Variants in PRKG2 observed in about 807,000 individuals in gnomAD.
PRKG2 encodes the protein protein kinase cGMP-dependent 2.
Under a neutral mutation model 97.2 loss-of-function variants are expected in PRKG2, and 33 were observed. The observed-to-expected ratio is 0.34, with a 90% CI of 0.26 to 0.45. The LOEUF (loss-of-function observed/expected upper bound fraction) is 0.45, where lower values mean the gene tolerates loss of function less well. PRKG2 is among the 20% of genes least tolerant of loss of function. The pLI, the probability that PRKG2 is intolerant of heterozygous loss-of-function variation, is 1.00. For synonymous variants in PRKG2, 330 were observed against 321.8 expected, an observed-to-expected ratio of 1.03 and a Z score of -0.27; for missense variants, 638 against 900.0, an observed-to-expected ratio of 0.71 and a Z score of 3.73.
intron 14 of PRKG2, among the ~76,000 whole-genome samples, chr4:81,111,049 G>A (rs2289682): frequency 0.27 from 41,476 of 151,708 alleles, 8,316 homozygotes; most frequent in African/African-American, 0.54. Flanking sequence ...GTAAAGCTCC[G>A]TCATGAATGT....
chr4:81,196,890 A>C (rs2110120207), intron 2 of PRKG2, among the ~76,000 whole-genome samples: 1 of 152,304 alleles, frequency 6.6e-6, no homozygotes, highest in East Asian at 1.9e-4. Context: ...TTTAATGAAA[A>C]GAAACACTTT....
In PRKG2 at chr4:81,140,595, C is replaced by A. The variant is rs1747184464; in HGVS notation, c.1482G>T (p.Gln494His). 6.2e-7 allele frequency: 1 copy of A among 1,613,178 alleles called. No individual in the cohort carries two copies. Among genetic ancestry groups the A allele is most frequent in the Non-Finnish European group, 8.5e-7 (1 of 1,179,380 alleles). ...TCTTCTCTGAGTAGACATGCTCCTG[C>A]TGCTTGGTGTCAACTATGTGCTTCT... ...IRKKHIVDTK[Q>H]QEHVYSEKRI... The change falls in exon 12 of 19, where the codon CAG becomes CAT. Residue 494 changes from glutamine (Q) to histidine (H), a missense_variant. By Grantham distance (24) the Gln-to-His change is conservative. Around this residue, in one of 3 missense-constraint regions of PRKG2, gnomAD observed 304 missense variants for 460.5 expected, o/e 0.66. Transcript: ENST00000264399.
intron 3 of PRKG2, among the ~76,000 whole-genome samples, chr4:81,173,275 C>A (rs184172445): frequency 3.5e-4 from 53 of 152,116 alleles, no homozygotes; most frequent in African/African-American, 1.2e-3. Flanking sequence ...AATAAGAAAC[C>A]ATCCAATTTT....
At chr4:81,187,919 C>T (rs1357991621) in intron 2 of PRKG2, among the ~76,000 whole-genome samples, 1 of 152,168 alleles carries the variant, frequency 6.6e-6, no homozygotes, top group Non-Finnish European at 1.5e-5. Flanking sequence ...CATAAAAACC[C>T]TAGAAGAAAA....
chr4:81,149,234 T>A (rs1748152330), intron 8 of PRKG2, among the ~76,000 whole-genome samples: 1 of 152,114 alleles, frequency 6.6e-6, no homozygotes, highest in Non-Finnish European at 1.5e-5. Flanking sequence ...CATTCTGAGC[T>A]TTGTGAAAGT....
At chr4:81,217,322 T>A (rs559239983), upstream of PRKG2, among the ~76,000 whole-genome samples, 135 of 152,248 alleles carry the variant, frequency 8.9e-4, no homozygotes, top group African/African-American at 2.8e-3. Flanking sequence ...TCATATGTAC[T>A]TTCTTACCGT....
intron 2 of PRKG2, among the ~76,000 whole-genome samples, chr4:81,182,296 C>T (rs1003856746): frequency 1.3e-5 from 2 of 151,738 alleles, no homozygotes; most frequent in African/African-American, 4.8e-5. Flanking sequence ...AAAAATGTAG[C>T]AAATATAATG....
Position 81,135,295 on chromosome 4 carries a change from C to G in PRKG2, c.1636G>C (p.Gly546Arg). The change falls in exon 14 of 19, where the codon GGC becomes CGC. Residue 546 changes from glycine (G) to arginine (R), a missense_variant and splice_region_variant. Physicochemically the swap from Gly to Arg is moderately radical, Grantham distance 125 (BLOSUM62 -2). Coordinates refer to ENST00000264399, the MANE Select transcript of PRKG2 (RefSeq NM_006259.3). The part of the protein sequence containing the change: ...GELWSILRDR[G>R]SFDEPTSKFC... ...TTGGAGGTGGGTTCATCAAAGCTGC[C>G]TCTGCAACGAAATCATTTTCCCTCT... 1 of 1,611,728 alleles carries G rather than the reference C, an allele frequency of 6.2e-7. No homozygotes were observed. The highest frequency in any genetic ancestry group is 8.5e-7 in the Non-Finnish European group (1 of 1,178,910).
At chr4:81,153,596 T>C (rs370480024) in intron 7 of PRKG2, 48 bp downstream of exon 7, 2 of 1,442,736 alleles carry the variant, frequency 1.4e-6, no homozygotes, top group African/African-American at 1.4e-5. Flanking sequence ...TATGGCAAAC[T>C]GATTTAAAAT....
intron 2 of PRKG2, among the ~76,000 whole-genome samples, chr4:81,189,790 G>GACAA (rs1380662805): frequency 4.0e-5 from 6 of 149,944 alleles, no homozygotes; most frequent in African/African-American, 1.5e-4. Flanking sequence ...AAAAAAAACA[G>GACAA]ACAGAGAGCC....
At chr4:81,142,331 G>A (rs951912216) in intron 11 of PRKG2, among the ~76,000 whole-genome samples, 2 of 151,978 alleles carry the variant, frequency 1.3e-5, no homozygotes, top group Non-Finnish European at 1.5e-5. Context: ...AAATAATGAA[G>A]GTGAAATACA....
intron 14 of PRKG2, among the ~76,000 whole-genome samples, chr4:81,117,305 T>G (rs1744643490): frequency 6.6e-6 from 1 of 152,068 alleles, no homozygotes; most frequent in East Asian, 1.9e-4. Flanking sequence ...CATTTGGGAT[T>G]TCCATAGATT....
chr4:81,128,980 C>G (rs918102997), intron 14 of PRKG2, among the ~76,000 whole-genome samples: 4 of 152,160 alleles, frequency 2.6e-5, no homozygotes, highest in Non-Finnish European at 5.9e-5. Context: ...AAATTTCCCT[C>G]TTTAGCTGTG....
intron 3 of PRKG2, chr4:81,173,696 C>T (rs979648404): frequency 9.9e-5 from 15 of 151,882 alleles, no homozygotes; most frequent in African/African-American, 2.7e-4. Context: ...AAATAATCAA[C>T]GTATATAAAA....
intron 17 of PRKG2, among the ~76,000 whole-genome samples, chr4:81,096,478 G>A (rs1323564759): frequency 1.3e-5 from 2 of 152,136 alleles, no homozygotes; most frequent in African/African-American, 4.8e-5. Context: ...CAAGGCTGCA[G>A]TAAGCCCTAA....
chr4:81,145,358 T>C (rs1231473130), intron 9 of PRKG2, among the ~76,000 whole-genome samples: 1 of 152,206 alleles, frequency 6.6e-6, no homozygotes, highest in African/African-American at 2.4e-5. Flanking sequence ...CTTTTAACTT[T>C]GCTTAATAAA....
chr4:81,126,728 TC>T (rs1177745410), intron 14 of PRKG2, among the ~76,000 whole-genome samples: 2 of 152,120 alleles, frequency 1.3e-5, no homozygotes, highest in Non-Finnish European at 1.5e-5. Context: ...GGTTTTTTTT[TC>T]TTGTAAATTT....
At chr4:81,185,689 T>C (rs1751819280) in intron 2 of PRKG2, among the ~76,000 whole-genome samples, 2 of 151,972 alleles carry the variant, frequency 1.3e-5, no homozygotes, top group South Asian at 4.2e-4. Flanking sequence ...GCAAACTGGA[T>C]AGAGTCAAGA....
At chr4:81,163,863 TACACACACACACACACACAC>T (rs5859761) in intron 6 of PRKG2, among the ~76,000 whole-genome samples, 1 of 144,662 alleles carries the variant, frequency 6.9e-6, no homozygotes, top group Non-Finnish European at 1.5e-5. Flanking sequence ...AGATGTATAG[TACACACACACACACACACAC>T]ACACACACAC....
Sources: allele counts gnomAD v4.1 joint callset (sites outside exome capture counted in the v4.1 genomes callset), GRCh38; gene constraint gnomAD v4.1.1; regional missense constraint gnomAD v4.1.1; transcripts MANE v1.5; gene names NCBI Gene and HGNC (gene_info 2026-07-23, HGNC 2026-07-21).